The following SLC12A4 variants were observed in gnomAD, a reference collection of about 807,000 sequenced individuals.
SLC12A4 encodes solute carrier family 12 member 4, also known as electroneutral potassium-chloride cotransporter 1.
SLC12A4 carries 84 observed loss-of-function variants against 119.2 expected under a neutral mutation model. The ratio of observed to expected loss-of-function variants is 0.70; its 90% CI spans 0.59 to 0.85. The LOEUF (loss-of-function observed/expected upper bound fraction) is 0.85, where lower values mean the gene tolerates loss of function less well. Among genes scored for constraint, SLC12A4 ranks in the 40% least tolerant of loss-of-function variants. The probability of loss-of-function intolerance (pLI) is 0.00; values close to 1 mark genes in which losing one functional copy is unlikely to be tolerated. For synonymous variants in SLC12A4, 599 were observed against 604.6 expected (o/e 0.99, Z 0.14); for missense variants, 1,298 against 1,476.3 (o/e 0.88, Z 1.98).
intron 1 of SLC12A4, among the ~76,000 whole-genome samples, chr16:67,968,178 G>A (rs1480305307): frequency 6.6e-6 from 1 of 152,060 alleles, no homozygotes; most frequent in Non-Finnish European, 1.5e-5. Context: ...GGGCGGCCAC[G>A]TCTGCAGCCC....
At chr16:67,952,103 C>T (rs1332231674) in intron 7 of SLC12A4, 66 bp from the exon 8 acceptor site, 7 of 1,608,604 alleles carry the variant, frequency 4.4e-6, no homozygotes, top group African/African-American at 1.3e-5. Flanking sequence ...ACCCTGCAGT[C>T]TCTGGGATCT....
At position 67,950,286 on chromosome 16, in the gene SLC12A4, A is replaced by G; in HGVS notation, c.1629+33T>C. 6.2e-7 allele frequency: 1 copy of G among 1,602,378 alleles called. No homozygotes were observed. Among genetic ancestry groups the G allele is most frequent in the Non-Finnish European group, 8.5e-7 (1 of 1,172,786 alleles). The stretch of plus-strand genomic sequence containing the variant: ...CCCAGCCGGGCGAGGGCCTGGGAGC[A>G]GCCAGGCCATGGGGGAGTGCAGAGG... On this transcript the variant is annotated intron_variant, in intron 12 of 23. Transcript: ENST00000316341. This position sits in a 1 kb window ranked among gnomAD's most constrained non-coding sequence, Gnocchi z 4.3.
chr16:67,957,696 C>T, intron 5 of SLC12A4, 46 bp downstream of exon 5: 1 of 1,610,466 alleles, frequency 6.2e-7, no homozygotes, highest in South Asian at 1.1e-5. Context: ...AAGGCAGATA[C>T]TGGGTCCTTT....
chr16:67,956,745 A>G (rs2030281326), intron 5 of SLC12A4, among the ~76,000 whole-genome samples: 1 of 152,050 alleles, frequency 6.6e-6, no homozygotes, highest in Non-Finnish European at 1.5e-5. Context: ...ACATACACAC[A>G]CACATACACA....
At chr16:67,965,476 C>A (rs2030823326) in intron 1 of SLC12A4, among the ~76,000 whole-genome samples, 1 of 152,218 alleles carries the variant, frequency 6.6e-6, no homozygotes, top group African/African-American at 2.4e-5. Context: ...TGCTTGCCCC[C>A]TTCCTCTGCA....
chr16:67,950,828 G>T lies in SLC12A4; in HGVS notation c.1397-117C>A, dbSNP rs1567417980. 6.9e-7 allele frequency: 1 copy of T among 1,441,074 alleles called. No individual in the cohort carries two copies. The highest frequency in any genetic ancestry group is 9.6e-7 in the Non-Finnish European group (1 of 1,042,174). The allele number at this position is 1,441,074 out of a possible 1,614,324, so 89.3% of individuals were successfully genotyped here. ...CCTACAGCTGGGAGTCTCGTGGTGT[G>T]TATGTGCATGTGTGCATGAGAAGGG... On this transcript the variant is annotated intron_variant, in intron 10 of 23. Coordinates refer to ENST00000316341, the MANE Select transcript of SLC12A4 (RefSeq NM_005072.5). The surrounding 1 kb of genome is among the most constrained non-coding windows in gnomAD (Gnocchi z 4.3).
At chr16:67,964,097 G>T (rs1040200211) in intron 1 of SLC12A4, 1 of 1,522,320 alleles carries the variant, frequency 6.6e-7, no homozygotes, top group Non-Finnish European at 8.9e-7. Flanking sequence ...GCAGCCCGGG[G>T]CATGCCGGGA....
In SLC12A4 at chr16:67,945,213, A is replaced by C. The variant is rs1423488483; in HGVS notation, c.3040T>G (p.Ser1014Ala). ...RELVHIKPDQ[S>A]NVRRMHTAVK... ...GCAGTGTGCATGCGCCGCACATTGGATTGGTCCCTACACGTAGTGTAGCCA... is the reference window on the plus strand; with the variant it reads ...GCAGTGTGCATGCGCCGCACATTGGCTTGGTCCCTACACGTAGTGTAGCCA... Residue 1014 changes from serine to alanine, a missense_variant, in exon 23 of 24, where the codon TCC becomes GCC. Transcript: ENST00000316341. 2.6e-6 allele frequency: 4 copies of C among 1,558,214 alleles called. No individual in the cohort carries two copies. The South Asian group carries it at 4.9e-5, about 19-fold the overall frequency.
intron 13 of SLC12A4, among the ~76,000 whole-genome samples, chr16:67,948,849 G>C (rs1051732299): frequency 6.6e-6 from 1 of 152,262 alleles, no homozygotes; most frequent in Middle Eastern, 3.4e-3. Context: ...GGTGTGGGGG[G>C]GTGGACAAGA....
Position 67,944,552 on chromosome 16 carries a change from G to GCCTT in SLC12A4, c.*284_*287dup. The GCCTT allele has an allele frequency of 7.7e-7, 1 of 1,296,750 alleles. No individual in the cohort carries two copies. Among genetic ancestry groups the GCCTT allele is most frequent in the Middle Eastern group, 2.9e-4 (1 of 3,398 alleles). The allele number at this position is 1,296,750 out of a possible 1,614,324, so 80.3% of individuals were successfully genotyped here. A position where few individuals can be genotyped will look rare whatever the true frequency, so the allele number is the denominator to read the frequency against. On this transcript the variant is annotated 3_prime_UTR_variant, in exon 24 of 24. Transcript: ENST00000316341. The surrounding 1 kb of genome is among the most constrained non-coding windows in gnomAD (Gnocchi z 6.6). ...GCTCCTGGGCTGGGCCGGGCCGGCT[G>GCCTT]CCTTCAAACCCCACTCGGCCCCTAC... is the stretch of plus-strand genomic sequence containing the variant.
At chr16:67,963,781 G>T in intron 1 of SLC12A4, 1 of 1,131,444 alleles carries the variant, frequency 8.8e-7, no homozygotes, top group Non-Finnish European at 1.2e-6. Flanking sequence ...ATTCCCTCCA[G>T]TGAAGGGAAT....
chr16:67,956,412 G>A (rs2030263132), intron 5 of SLC12A4, among the ~76,000 whole-genome samples: 2 of 151,770 alleles, frequency 1.3e-5, no homozygotes, highest in African/African-American at 2.4e-5. Flanking sequence ...TCGGCAGGGT[G>A]CAGTGGCTCA....
chr16:67,968,304 C>T, intron 1 of SLC12A4, 135 bp downstream of exon 1: 2 of 735,132 alleles, frequency 2.7e-6, no homozygotes, highest in Non-Finnish European at 4.0e-6. Flanking sequence ...GGCAGCGGCG[C>T]GGTCCAAAAA....
chr16:67,947,890 C>T, intron 14 of SLC12A4, 102 bp from the exon 15 acceptor site: 1 of 1,512,926 alleles, frequency 6.6e-7, no homozygotes, highest in Non-Finnish European at 8.9e-7. Context: ...GGTGGGAGGT[C>T]CCAGGTGGGT....
rs1490413939 is a variant in SLC12A4, at chr16:67,947,758, G to A, written c.1878C>T (p.Cys626=). ...AGGAGGAGACAAACATAAGGGCCAG[G>A]CAGAGACTCATGCCCAGGAAGGACA... is the stretch of plus-strand genomic sequence containing the variant. ...WALSFLGMSL[C]LALMFVSSWY... Residue 626 remains cysteine (C), a synonymous_variant, in exon 15 of 24, where the codon TGC becomes TGT. Transcript: ENST00000316341. 6 of 1,600,220 alleles carry A rather than the reference G, an allele frequency of 3.7e-6. No individual in the cohort carries two copies. In the African/African-American group the frequency reaches 5.4e-5, roughly 14 times the overall value.
In SLC12A4 at chr16:67,949,275, C is replaced by T. The variant is rs1003401508; in HGVS notation, c.1748+525G>A. Among the ~76,000 whole-genome samples, 2 of 152,128 alleles carry T rather than the reference C, an allele frequency of 1.3e-5. No homozygotes were observed. Among genetic ancestry groups the T allele is most frequent in the African/African-American group, 2.4e-5 (1 of 41,440 alleles). ...CACCAGCCTGGCCAAGATGGTAAAA[C>T]GCCATCTCTACTAAAAATACAAAAA... On this transcript the variant is annotated intron_variant, in intron 13 of 23. Transcript: ENST00000316341. This position sits in a 1 kb window ranked among gnomAD's most constrained non-coding sequence, Gnocchi z 4.6.
At chr16:67,946,840 G>A in intron 17 of SLC12A4, 97 bp downstream of exon 17, 1 of 1,415,592 alleles carries the variant, frequency 7.1e-7, no homozygotes, top group Admixed American at 2.1e-5. Context: ...TGGCTGCCTG[G>A]CTGGCCACCC....
At position 67,961,556 on chromosome 16, in the gene SLC12A4, G is replaced by A. The variant is rs577806023; in HGVS notation, c.342+19C>T. The A allele has an allele frequency of 8.1e-6, 13 of 1,610,036 alleles. No individual in the cohort carries two copies. The East Asian group carries it at 1.3e-4, about 17-fold the overall frequency. ...CTGTCTTCCCAGGTGTGGCCCCTCTGCCGCCCCAACCAGCTCACCTCGGCT... is the reference window on the plus strand; with the variant it reads ...CTGTCTTCCCAGGTGTGGCCCCTCTACCGCCCCAACCAGCTCACCTCGGCT... On this transcript the variant is annotated intron_variant, in intron 3 of 23. Transcript: ENST00000316341.
chr16:67,966,632 G>T, intron 1 of SLC12A4: 1 of 1,309,490 alleles, frequency 7.6e-7, no homozygotes, highest in Non-Finnish European at 1.0e-6. Flanking sequence ...GCCCATCTAG[G>T]CCTCCCAGAG....
Sources: gnomAD v4.1 joint callset for allele counts (sites outside exome capture counted in the v4.1 genomes callset) on GRCh38, gnomAD v4.1.1 for gene constraint, Gnocchi (gnomAD v3.1) non-coding constraint, MANE v1.5 for transcripts, NCBI Gene and HGNC (gene_info 2026-07-23, HGNC 2026-07-21) for gene names.